The following SPOPL variants were observed in gnomAD, a reference collection of about 807,000 sequenced individuals.
SPOPL encodes the protein speckle-type POZ protein-like.
A neutral mutation model predicts 53.8 loss-of-function variants in SPOPL; 23 were observed. The observed-to-expected ratio is 0.43, with a 90% confidence interval of 0.31 to 0.61. The LOEUF (loss-of-function observed/expected upper bound fraction) is 0.61. SPOPL is among the 20% of genes least tolerant of loss of function. SPOPL has a pLI of 0.12. For missense variants in SPOPL, 442 were observed against 466.9 expected (o/e 0.95, Z 0.49); for synonymous variants, 164 against 149.7 (o/e 1.10, Z -0.70).
Position 138,536,378 on chromosome 2 carries a change from C to T in SPOPL, c.-60-13779C>T, listed in dbSNP as rs190056343. Reference sequence around the variant, plus strand: ...CACACACACGCACACAGTGTTAAGCCTCTGATGTTGCACCTCTGGGGAAGC... The same window carrying T: ...CACACACACGCACACAGTGTTAAGCTTCTGATGTTGCACCTCTGGGGAAGC... On this transcript the variant is annotated intron_variant, in intron 1 of 10. Coordinates refer to ENST00000280098, the MANE Select transcript of SPOPL (RefSeq NM_001001664.3). Among the ~76,000 whole-genome samples, 23 of 151,876 alleles carry T rather than the reference C, an allele frequency of 1.5e-4. 1 individual carries two copies. The highest frequency in any genetic ancestry group is 9.8e-4 in the Admixed American group (15 of 15,268).
At position 138,550,622 on chromosome 2, in the gene SPOPL, T is replaced by C. The variant is rs1436279017; in HGVS notation, c.200+18T>C. 1 of 1,580,760 alleles carries C rather than the reference T, an allele frequency of 6.3e-7. No homozygotes were observed. The highest frequency in any genetic ancestry group is 2.3e-5 in the East Asian group (1 of 44,302). On this transcript the variant is annotated intron_variant, in intron 3 of 10. Coordinates refer to ENST00000280098, the MANE Select transcript of SPOPL (RefSeq NM_001001664.3). ...ATGAAATGGTAAGATTTTTGTTTGC[T>C]TTGAATTTTTGTTTTTTGTTTTTGA...
chr2:138,548,942 T>C (rs1477391923), intron 1 of SPOPL, among the ~76,000 whole-genome samples: 2 of 152,156 alleles, frequency 1.3e-5, no homozygotes, highest in East Asian at 3.8e-4. Flanking sequence ...CTGTTTCTAC[T>C]CCCAAGTCTG....
chr2:138,537,778 TC>T (rs139226978), intron 1 of SPOPL, among the ~76,000 whole-genome samples: 3,184 of 152,322 alleles, frequency 0.021, 52 homozygotes, highest in Non-Finnish European at 0.03. Flanking sequence ...CCACAGACTC[TC>T]ACTTTTCTCA....
At chr2:138,530,214 C>A (rs1394334341) in intron 1 of SPOPL, among the ~76,000 whole-genome samples, 1 of 152,016 alleles carries the variant, frequency 6.6e-6, no homozygotes, top group African/African-American at 2.4e-5. Context: ...TCCAGTCTAC[C>A]ATTGATGGCA....
chr2:138,556,323 T>C (rs972780009), intron 5 of SPOPL, among the ~76,000 whole-genome samples: 9 of 152,262 alleles, frequency 5.9e-5, no homozygotes, highest in Non-Finnish European at 5.9e-5. Flanking sequence ...ACCTGATTTT[T>C]TGCCAAATTT....
At chr2:138,508,842 G>C (rs1016415437) in intron 1 of SPOPL, among the ~76,000 whole-genome samples, 2 of 151,898 alleles carry the variant, frequency 1.3e-5, no homozygotes, top group Non-Finnish European at 2.9e-5. Flanking sequence ...TTGGTTTTAA[G>C]TTTTGTTATG....
intron 4 of SPOPL, among the ~76,000 whole-genome samples, chr2:138,551,536 A>G (rs776539316): frequency 6.6e-6 from 1 of 152,006 alleles, no homozygotes; most frequent in Non-Finnish European, 1.5e-5. Context: ...TATTAATTTC[A>G]GTCCAAAATT....
intron 1 of SPOPL, among the ~76,000 whole-genome samples, chr2:138,505,425 C>G (rs911464055): frequency 6.6e-6 from 1 of 151,538 alleles, no homozygotes; most frequent in African/African-American, 2.4e-5. Flanking sequence ...TACTTGTATT[C>G]ATGGAGGCAG....
intron 5 of SPOPL, among the ~76,000 whole-genome samples, chr2:138,556,208 G>A (rs1174550187): frequency 6.6e-6 from 1 of 152,118 alleles, no homozygotes; most frequent in African/African-American, 2.4e-5. Flanking sequence ...AGATAGGTAT[G>A]TCAGTAATAC....
rs183574320 is a variant in SPOPL at position 138,563,323 on chromosome 2, A to T, written c.838-1385A>T. On this transcript the variant is annotated intron_variant, in intron 8 of 10. Transcript: ENST00000280098. ...TAAGTCCCCATCTCTACAAAAAAAA[A>T]TTTTTTTAATTAGCCTGGTGTGGTG... Among the ~76,000 whole-genome samples the T allele has an allele frequency of 4.0e-3, 605 of 152,152 alleles. 2 individuals carry two copies. Among genetic ancestry groups the T allele is most frequent in the African/African-American group, 0.014 (564 of 41,498 alleles).
Position 138,520,885 on chromosome 2 carries a change from A to T in SPOPL, c.-61+18766A>T, listed in dbSNP as rs193117795. On this transcript the variant is annotated intron_variant, in intron 1 of 10. Coordinates refer to ENST00000280098, the MANE Select transcript of SPOPL (RefSeq NM_001001664.3). ...TGCTAACTGAATAAAGTTGATTTTT[A>T]AAAATCCTAATACTGTATAAGACTA... is the stretch of plus-strand genomic sequence containing the variant. 4.9e-3 allele frequency among the ~76,000 whole-genome samples: 746 copies of T among 152,320 alleles called. 7 individuals carry two copies. The highest frequency in any genetic ancestry group is 0.017 in the African/African-American group (716 of 41,568).
intron 8 of SPOPL, among the ~76,000 whole-genome samples, chr2:138,563,342 TGTG>T (rs1573910178): frequency 6.6e-6 from 1 of 152,116 alleles, no homozygotes; most frequent in African/African-American, 2.4e-5. Context: ...ATTAGCCTGG[TGTG>T]GTGCCATGTG....
intron 1 of SPOPL, among the ~76,000 whole-genome samples, chr2:138,534,419 A>G (rs1410309712): frequency 6.6e-6 from 1 of 152,216 alleles, no homozygotes; most frequent in Non-Finnish European, 1.5e-5. Context: ...GTGTATATCA[A>G]ATGCAGATAT....
At chr2:138,518,760 C>T (rs552903893) in intron 1 of SPOPL, among the ~76,000 whole-genome samples, 11 of 152,304 alleles carry the variant, frequency 7.2e-5, no homozygotes, top group Admixed American at 3.3e-4. Context: ...GTGAGAAGAG[C>T]AGAGTTAATA....
At chr2:138,524,039 T>A (rs1258552822) in intron 1 of SPOPL, among the ~76,000 whole-genome samples, 2 of 152,170 alleles carry the variant, frequency 1.3e-5, no homozygotes, top group Non-Finnish European at 2.9e-5. Flanking sequence ...CTAGCAGAGG[T>A]TCTCCATGAG....
chr2:138,513,749 A>G (rs901265162), intron 1 of SPOPL, among the ~76,000 whole-genome samples: 12 of 151,720 alleles, frequency 7.9e-5, no homozygotes, highest in Non-Finnish European at 1.5e-4. Context: ...CAAAAAAAAA[A>G]AAAAAAAAAA....
At chr2:138,565,496 G>A (rs1027976902) in intron 10 of SPOPL, among the ~76,000 whole-genome samples, 1 of 152,156 alleles carries the variant, frequency 6.6e-6, no homozygotes, top group Non-Finnish European at 1.5e-5. Context: ...GAACCTGTAA[G>A]GGGTTGGATA....
In SPOPL at chr2:138,561,008, A is replaced by G. The variant is rs1685534376; in HGVS notation, c.837+81A>G. ...AAAGCTGTCATCAAATGAAAACTCC[A>G]AATAACTCGTATTTTGTAGATGGCT... is the stretch of plus-strand genomic sequence containing the variant. On this transcript the variant is annotated intron_variant, in intron 8 of 10. Coordinates refer to ENST00000280098, the MANE Select transcript of SPOPL (RefSeq NM_001001664.3). 2.7e-6 allele frequency: 4 copies of G among 1,508,356 alleles called. No homozygotes were observed. The African/African-American group carries it at 5.7e-5, about 22-fold the overall frequency. 93.4% of individuals were successfully genotyped at this position (1,508,356 alleles called of 1,614,324 possible). A position where few individuals can be genotyped will look rare whatever the true frequency, so the allele number is the denominator to read the frequency against.
intron 10 of SPOPL, among the ~76,000 whole-genome samples, chr2:138,568,604 A>G (rs1386140774): frequency 1.3e-5 from 2 of 152,182 alleles, no homozygotes; most frequent in African/African-American, 4.8e-5. Context: ...TTGTAACTCA[A>G]GAGAAAATCT....
Sources: allele counts gnomAD v4.1 joint callset (sites outside exome capture counted in the v4.1 genomes callset), GRCh38; gene constraint gnomAD v4.1.1; transcripts MANE v1.5; gene names NCBI Gene and HGNC (gene_info 2026-07-23, HGNC 2026-07-21).